Variants in CTIF observed in about 807,000 individuals in gnomAD.
The protein encoded by CTIF is CBP80/20-dependent translation initiation factor.
CTIF carries 21 observed loss-of-function variants against 66.0 expected under a neutral mutation model. The observed-to-expected ratio is 0.32, with a 90% CI of 0.23 to 0.46. The LOEUF (loss-of-function observed/expected upper bound fraction) is 0.46. Among genes scored for constraint, CTIF ranks in the 20% least tolerant of loss-of-function variants. The pLI, the probability that CTIF is intolerant of heterozygous loss-of-function variation, is 1.00. For missense variants in CTIF, 739 were observed against 812.7 expected (o/e 0.91, Z 1.10); for synonymous variants, 345 against 326.4 (o/e 1.06, Z -0.62).
At chr18:48,603,731 G>C (rs2090150397) in intron 1 of CTIF, among the ~76,000 whole-genome samples, 1 of 152,112 alleles carries the variant, frequency 6.6e-6, no homozygotes, top group African/African-American at 2.4e-5. Context: ...TGGCTGGCTT[G>C]CTGGCTGGCT....
At chr18:48,785,710 G>A (rs905377914) in intron 9 of CTIF, among the ~76,000 whole-genome samples, 3 of 152,142 alleles carry the variant, frequency 2.0e-5, no homozygotes, top group African/African-American at 2.4e-5. Context: ...TCTGACCTCC[G>A]TGCCTTTGGT....
chr18:48,627,014 CAG>C (rs1198992253), intron 2 of CTIF, among the ~76,000 whole-genome samples: 3 of 152,090 alleles, frequency 2.0e-5, no homozygotes, highest in African/African-American at 7.2e-5. Flanking sequence ...ATTGGAAAAA[CAG>C]AGGCAAGTGA....
chr18:48,770,098 T>A (rs896846700), intron 9 of CTIF, among the ~76,000 whole-genome samples: 13 of 152,240 alleles, frequency 8.5e-5, no homozygotes, highest in Non-Finnish European at 1.9e-4. Flanking sequence ...ACAAGCATTT[T>A]GATTTTTGAA....
chr18:48,764,723 C>G (rs1318879315), intron 9 of CTIF, among the ~76,000 whole-genome samples: 1 of 152,196 alleles, frequency 6.6e-6, no homozygotes, highest in Non-Finnish European at 1.5e-5. Context: ...CGGGTCAGGT[C>G]TTTAGAAATC....
At chr18:48,572,044 T>C (rs1054700508) in intron 1 of CTIF, among the ~76,000 whole-genome samples, 8 of 125,850 alleles carry the variant, frequency 6.4e-5, no homozygotes, top group Non-Finnish European at 1.2e-4. Context: ...ATTTCTTCCT[T>C]CTCTTTCTCC....
chr18:48,696,007 T>C (rs2092002274), intron 6 of CTIF, among the ~76,000 whole-genome samples: 1 of 152,232 alleles, frequency 6.6e-6, no homozygotes, highest in African/African-American at 2.4e-5. Context: ...GAGGAGCTAG[T>C]AGAACCTTTT....
chr18:48,660,099 C>T (rs1197117064), intron 3 of CTIF, among the ~76,000 whole-genome samples: 28 of 143,174 alleles, frequency 2.0e-4, no homozygotes, highest in Non-Finnish European at 3.0e-5. Flanking sequence ...TGGCCTCTCT[C>T]CCCAGGCTCC....
intron 1 of CTIF, among the ~76,000 whole-genome samples, chr18:48,548,193 G>T (rs972483054): frequency 1.3e-5 from 2 of 152,178 alleles, no homozygotes; most frequent in Admixed American, 6.5e-5. Flanking sequence ...AGAGTGGGTG[G>T]AGCTGACACA....
chr18:48,717,423 A>G (rs1274184489), intron 7 of CTIF, among the ~76,000 whole-genome samples: 3 of 150,118 alleles, frequency 2.0e-5, no homozygotes. Context: ...ATAAATAAAT[A>G]AATAAATAAA....
chr18:48,566,349 C>T (rs1345511565), intron 1 of CTIF: 2 of 152,256 alleles, frequency 1.3e-5, no homozygotes, highest in Non-Finnish European at 2.9e-5. Context: ...CCTCATGGAG[C>T]TTACAGACAA....
chr18:48,615,444 A>G (rs999035144), intron 1 of CTIF, among the ~76,000 whole-genome samples: 1 of 152,152 alleles, frequency 6.6e-6, no homozygotes, highest in African/African-American at 2.4e-5. Flanking sequence ...GGAACAGGGA[A>G]GTGATGTATT....
intron 1 of CTIF, among the ~76,000 whole-genome samples, chr18:48,548,764 G>A (rs2088814810): frequency 6.6e-6 from 1 of 152,218 alleles, no homozygotes; most frequent in South Asian, 2.1e-4. Context: ...CCTTTTAGCT[G>A]TTAACCTTTG....
chr18:48,653,245 A>C (rs2091188945), intron 3 of CTIF, among the ~76,000 whole-genome samples: 2 of 152,240 alleles, frequency 1.3e-5, no homozygotes, highest in African/African-American at 2.4e-5. Context: ...GTCTCAGCCC[A>C]AAATCTCCTT....
At chr18:48,619,967 A>G (rs992520444) in intron 2 of CTIF, among the ~76,000 whole-genome samples, 1 of 152,216 alleles carries the variant, frequency 6.6e-6, no homozygotes, top group East Asian at 1.9e-4. Context: ...ACTCCTCCCT[A>G]TCCAATGAGG....
chr18:48,857,529 C>G, intron 10 of CTIF, 59 bp from the exon 11 acceptor site: 1 of 1,518,024 alleles, frequency 6.6e-7, no homozygotes, highest in South Asian at 1.2e-5. Context: ...CAGGGAGCTA[C>G]AGGGCCCAGT....
chr18:48,689,654 A>G (rs1283900960), intron 6 of CTIF, among the ~76,000 whole-genome samples: 1 of 152,196 alleles, frequency 6.6e-6, no homozygotes, highest in Non-Finnish European at 1.5e-5. Flanking sequence ...TTCAGTCTGC[A>G]CTGAGCCAAA....
Position 48,598,282 on chromosome 18 carries a change from C to T in CTIF, c.-28-21256C>T, listed in dbSNP as rs371046881. On this transcript the variant is annotated intron_variant, in intron 1 of 11. Coordinates refer to ENST00000256413, the MANE Select transcript of CTIF (RefSeq NM_014772.3). ...TAAGTCACAAACGAACAATCAAAACCACCTAACTTAGCCTGTGAACTTCTG... is the reference window on the plus strand; with the variant it reads ...TAAGTCACAAACGAACAATCAAAACTACCTAACTTAGCCTGTGAACTTCTG... Among the ~76,000 whole-genome samples the T allele has an allele frequency of 3.3e-5, 5 of 152,220 alleles. No homozygotes were observed. In the South Asian group the frequency reaches 1.0e-3, roughly 32 times the overall value.
At chr18:48,581,888 G>A (rs2089665545) in intron 1 of CTIF, among the ~76,000 whole-genome samples, 1 of 152,130 alleles carries the variant, frequency 6.6e-6, no homozygotes, top group African/African-American at 2.4e-5. Context: ...GGAAATAAGT[G>A]CTGGGGGCTT....
In CTIF at chr18:48,718,705, C is replaced by T. The variant is rs529078260; in HGVS notation, c.584+7010C>T. 4.6e-5 allele frequency among the ~76,000 whole-genome samples: 7 copies of T among 152,270 alleles called. No homozygotes were observed. The East Asian group carries it at 1.2e-3, about 25-fold the overall frequency. On this transcript the variant is annotated intron_variant, in intron 7 of 11. Coordinates refer to ENST00000256413, the MANE Select transcript of CTIF (RefSeq NM_014772.3). ...GACTGAAAATGTCCTCATAGACACA[C>T]CTAGAAATAATGTCTTACCAGCTAA...
Sources: gnomAD v4.1 joint callset for allele counts (sites outside exome capture counted in the v4.1 genomes callset) on GRCh38, gnomAD v4.1.1 for gene constraint, MANE v1.5 for transcripts, NCBI Gene and HGNC (gene_info 2026-07-23, HGNC 2026-07-21) for gene names.